Variants in CR1 observed in about 807,000 individuals in gnomAD.
CR1 encodes complement C3b/C4b receptor 1 (Knops blood group).
CR1 carries 116 observed loss-of-function variants against 187.3 expected under a neutral mutation model. That is an observed-to-expected ratio of 0.62 (90% CI 0.53 to 0.72). The LOEUF is 0.72. Among genes scored for constraint, CR1 ranks in the 30% least tolerant of loss-of-function variants. CR1 has a pLI of 0.00. For missense variants in CR1, 1,731 were observed against 2,110.7 expected, an observed-to-expected ratio of 0.82 and a Z score of 3.52; for synonymous variants, 576 against 747.1, an observed-to-expected ratio of 0.77 and a Z score of 3.73.
rs1035478491 is a variant in CR1, at chr1:207,523,975, C to T, written c.852C>T (p.Asn284=). ...GCCGTGTGAAGTGCCAGGCCCTGAA[C>T]AAATGGGAGCCGGAGCTACCAAGCT... ...GPRRVKCQAL[N]KWEPELPSCS... Residue 284 remains asparagine (N), a synonymous_variant, in exon 5 of 47, where the codon AAC becomes AAT. Coordinates refer to ENST00000367049, the MANE Select transcript of CR1 (RefSeq NM_000651.6). 3.7e-6 allele frequency: 6 copies of T among 1,611,658 alleles called. No individual in the cohort carries two copies. Among genetic ancestry groups the T allele is most frequent in the Non-Finnish European group, 5.1e-6 (6 of 1,179,728 alleles).
At chr1:207,586,205 A>G (rs1661107986) in intron 33 of CR1, among the ~76,000 whole-genome samples, 4 of 151,880 alleles carry the variant, frequency 2.6e-5, no homozygotes, top group Non-Finnish European at 5.9e-5. Context: ...TGGTGCAATC[A>G]TAGTTTACTG....
chr1:207,628,252 C>G (rs1216324964), intron 45 of CR1, among the ~76,000 whole-genome samples: 1 of 152,152 alleles, frequency 6.6e-6, no homozygotes, highest in East Asian at 1.9e-4. Context: ...CTCCTGCCTT[C>G]TTGGTCTCTA....
At chr1:207,614,614 T>C (rs1394647264) in intron 40 of CR1, 125 bp downstream of exon 40, 2 of 663,468 alleles carry the variant, frequency 3.0e-6, no homozygotes, top group Admixed American at 3.1e-5. Context: ...AAAATACTTC[T>C]TTGTTGGAAG....
chr1:207,515,452 A>G (rs906879477), intron 4 of CR1, among the ~76,000 whole-genome samples: 12 of 151,882 alleles, frequency 7.9e-5, no homozygotes, highest in African/African-American at 2.4e-4. Context: ...AGCCTTCCCG[A>G]TGCCCTTTCC....
chr1:207,585,685 T>C (rs1419289986), intron 33 of CR1, among the ~76,000 whole-genome samples: 1 of 152,188 alleles, frequency 6.6e-6, no homozygotes, highest in East Asian at 1.9e-4. Flanking sequence ...GAAAGGCATT[T>C]AACCTTTCTT....
intron 1 of CR1, among the ~76,000 whole-genome samples, chr1:207,502,270 TAACA>T (rs747598709): frequency 7.2e-5 from 11 of 152,122 alleles, no homozygotes; most frequent in Non-Finnish European, 1.2e-4. Context: ...CAAATTGTAA[TAACA>T]AACAATTATT....
intron 4 of CR1, among the ~76,000 whole-genome samples, chr1:207,521,279 T>C (rs1659985469): frequency 6.6e-6 from 1 of 152,120 alleles, no homozygotes; most frequent in African/African-American, 2.4e-5. Flanking sequence ...GCCAGGCCTG[T>C]ATAGCCTTTT....
intron 35 of CR1, among the ~76,000 whole-genome samples, chr1:207,593,096 A>C (rs1463712974): frequency 1.3e-5 from 2 of 150,766 alleles, no homozygotes; most frequent in Non-Finnish European, 3.0e-5. Context: ...AAAAAAAAAA[A>C]AAAAAAACTA....
intron 44 of CR1, among the ~76,000 whole-genome samples, chr1:207,622,612 T>G (rs986844821): frequency 6.6e-5 from 10 of 152,172 alleles, no homozygotes; most frequent in Non-Finnish European, 1.3e-4. Flanking sequence ...ATGGACAAAA[T>G]GACCTAAATA....
At chr1:207,575,558 A>G (rs764320112) in intron 27 of CR1, 37 bp from the exon 28 acceptor site, 13 of 1,611,462 alleles carry the variant, frequency 8.1e-6, no homozygotes, top group Non-Finnish European at 1.0e-5. Context: ...TTGATGAGGT[A>G]TGTACAGGAC....
intron 42 of CR1, 122 bp downstream of exon 42, chr1:207,618,369 C>T: frequency 1.1e-6 from 1 of 873,806 alleles, no homozygotes; most frequent in Non-Finnish European, 1.7e-6. Context: ...TTCTCGGCAA[C>T]TGCTTTCTTT....
intron 1 of CR1, among the ~76,000 whole-genome samples, chr1:207,497,577 G>C (rs1342889687): frequency 2.0e-5 from 3 of 152,098 alleles, no homozygotes; most frequent in Non-Finnish European, 4.4e-5. Context: ...GATCTCCTTA[G>C]GCACCAGAAA....
chr1:207,622,929 G>T lies in CR1; in HGVS notation c.7277-64G>T. 2.6e-6 allele frequency: 3 copies of T among 1,171,046 alleles called. No individual in the cohort carries two copies. The South Asian group carries it at 4.1e-5, about 16-fold the overall frequency. 72.5% of individuals were successfully genotyped at this position (1,171,046 alleles called of 1,614,324 possible). On this transcript the variant is annotated intron_variant, in intron 44 of 46. Transcript: ENST00000367049. ...AATCTGTAGTGGGACTGGATACTAA[G>T]ATAGAATTTAAAACCTGTAAGTTAT...
At chr1:207,554,440 GC>G (rs1660341793) in intron 19 of CR1, among the ~76,000 whole-genome samples, 1 of 60,270 alleles carries the variant, frequency 1.7e-5, no homozygotes, top group Non-Finnish European at 2.8e-5. Flanking sequence ...AATATTTTAA[GC>G]CCACTGTTGA....
chr1:207,515,218 CAT>C (rs986496717), intron 4 of CR1, among the ~76,000 whole-genome samples: 120 of 130,352 alleles, frequency 9.2e-4, no homozygotes, highest in South Asian at 3.6e-3. Context: ...TAGGTATATA[CAT>C]ATATATACGT....
At chr1:207,499,067 G>A (rs1248838545) in intron 1 of CR1, among the ~76,000 whole-genome samples, 1 of 152,012 alleles carries the variant, frequency 6.6e-6, no homozygotes, top group African/African-American at 2.4e-5. Context: ...ATTTGAAACA[G>A]ATCATCAGAG....
At chr1:207,523,100 T>A (rs1660048280) in intron 4 of CR1, among the ~76,000 whole-genome samples, 1 of 152,224 alleles carries the variant, frequency 6.6e-6, no homozygotes, top group African/African-American at 2.4e-5. Context: ...ATTTAGATTT[T>A]CAAAATATTT....
chr1:207,581,796 G>T, intron 31 of CR1, 122 bp from the exon 32 acceptor site: 1 of 632,986 alleles, frequency 1.6e-6, no homozygotes, highest in African/African-American at 1.8e-5. Flanking sequence ...TTTCACCTGT[G>T]CTTTAGCTTG....
chr1:207,565,653 T>G (rs1660470839), intron 23 of CR1, among the ~76,000 whole-genome samples, 185 bp from the exon 24 acceptor site: 1 of 150,146 alleles, frequency 6.7e-6, no homozygotes, highest in Admixed American at 6.6e-5. Context: ...GCTACTACAT[T>G]TTGCCATTCT....
Sources: allele counts gnomAD v4.1 joint callset (sites outside exome capture counted in the v4.1 genomes callset), GRCh38; gene constraint gnomAD v4.1.1; transcripts MANE v1.5; gene names NCBI Gene and HGNC (gene_info 2026-07-23, HGNC 2026-07-21).